Variants in ZNF420 observed in about 807,000 individuals in gnomAD.
ZNF420 encodes zinc finger protein 420.
In ZNF420, 31 loss-of-function variants were observed where a neutral mutation model predicts 44.7. The observed-to-expected ratio is 0.69, with a 90% CI of 0.52 to 0.94. The LOEUF (loss-of-function observed/expected upper bound fraction) is 0.94, where lower values mean the gene tolerates loss of function less well. Ranked by LOEUF, ZNF420 falls within the 40% of genes least tolerant of loss-of-function variation. The pLI, the probability that ZNF420 is intolerant of heterozygous loss-of-function variation, is 0.00. For missense variants in ZNF420, 681 were observed against 827.9 expected (o/e 0.82, Z 2.18); for synonymous variants, 245 against 267.4 (o/e 0.92, Z 0.82).
chr19:37,115,023 G>A (rs1459346363), intron 4 of ZNF420: 10 of 156,798 alleles, frequency 6.4e-5, no homozygotes, highest in Non-Finnish European at 1.4e-5. Flanking sequence ...ATGGAGCTAA[G>A]AGGCATATTT....
At chr19:37,059,251 AGCCGCCGCCGCGGCT>A (rs1307640207) in intron 1 of ZNF420, among the ~76,000 whole-genome samples, 1 of 147,134 alleles carries the variant, frequency 6.8e-6, no homozygotes, top group Non-Finnish European at 1.5e-5. Context: ...CCCCGGATCC[AGCCGCCGCCGCGGCT>A]GCAGCAGGAG....
intron 4 of ZNF420, among the ~76,000 whole-genome samples, chr19:37,095,356 G>T (rs956911514): frequency 3.3e-5 from 5 of 152,158 alleles, no homozygotes; most frequent in African/African-American, 1.2e-4. Context: ...ATATTGAAAT[G>T]CTTTAACTTT....
At chr19:37,033,150 C>T (rs1967293586) in intron 1 of ZNF420, among the ~76,000 whole-genome samples, 1 of 152,158 alleles carries the variant, frequency 6.6e-6, no homozygotes, top group African/African-American at 2.4e-5. Flanking sequence ...ATTAATCTTT[C>T]TAAAGCTTTT....
intron 4 of ZNF420, among the ~76,000 whole-genome samples, chr19:37,125,474 C>T (rs1434883415): frequency 6.6e-6 from 1 of 152,116 alleles, no homozygotes; most frequent in East Asian, 1.9e-4. Flanking sequence ...AACCACAGAT[C>T]ACTGGTTTCT....
chr19:37,069,974 A>G (rs1317707012), intron 1 of ZNF420, among the ~76,000 whole-genome samples: 1 of 152,170 alleles, frequency 6.6e-6, no homozygotes, highest in Non-Finnish European at 1.5e-5. Context: ...AAATAGTTAT[A>G]TTATGGAGAG....
At chr19:37,126,019 AC>A (rs1971328511) in intron 4 of ZNF420, among the ~76,000 whole-genome samples, 2 of 152,116 alleles carry the variant, frequency 1.3e-5, no homozygotes, top group African/African-American at 4.8e-5. Flanking sequence ...GAATCATAAG[AC>A]TTCTCTAAGT....
rs1462154108 is a variant in ZNF420, at chr19:37,090,312, T to A, written c.10-683T>A. ...GAATTCAAGACTAGCCTGGGCAACA[T>A]AACAAGACCCCTGTCTCTACAAAAA... On this transcript the variant is annotated intron_variant, in intron 3 of 4. Transcript: ENST00000337995. 5.3e-5 allele frequency among the ~76,000 whole-genome samples: 8 copies of A among 151,270 alleles called. No homozygotes were observed. In the East Asian group the frequency reaches 1.6e-3, roughly 30 times the overall value.
chr19:37,113,557 T>C (rs912927603), intron 4 of ZNF420, among the ~76,000 whole-genome samples: 38 of 152,282 alleles, frequency 2.5e-4, no homozygotes, highest in African/African-American at 7.7e-4. Context: ...GGCATTCTCA[T>C]TGGTAATTGA....
rs1322914791 is a variant in ZNF420 at position 37,126,073 on chromosome 19, A to G, written c.137-1055A>G. ...TGTTGGGCTTATCTCTTTGATTTTC[A>G]TATTTTTCAATTTTTAGCCACCCAC... On this transcript the variant is annotated intron_variant, in intron 4 of 4. Coordinates refer to ENST00000337995, the MANE Select transcript of ZNF420 (RefSeq NM_144689.5). 3.3e-5 allele frequency among the ~76,000 whole-genome samples: 5 copies of G among 152,196 alleles called. No homozygotes were observed. The East Asian group carries it at 7.7e-4, about 23-fold the overall frequency.
At chr19:37,030,255 G>A (rs568043598) in intron 1 of ZNF420, among the ~76,000 whole-genome samples, 13 of 152,142 alleles carry the variant, frequency 8.5e-5, no homozygotes, top group African/African-American at 2.2e-4. Flanking sequence ...TCCGCCTCCC[G>A]GGTTCAAGCA....
intron 1 of ZNF420, among the ~76,000 whole-genome samples, chr19:37,024,178 G>A (rs1320433863): frequency 6.6e-6 from 1 of 152,038 alleles, no homozygotes; most frequent in Non-Finnish European, 1.5e-5. Flanking sequence ...AATGCCCATC[G>A]GAAAATTTTA....
chr19:37,025,392 T>A, intron 1 of ZNF420: 1 of 164,674 alleles, frequency 6.1e-6, no homozygotes, highest in Non-Finnish European at 1.3e-5. Flanking sequence ...GTAAGATTGA[T>A]GTTTTCTCAA....
In ZNF420 at chr19:37,087,296, AATAAATAAATAAATAAAT is replaced by A. The variant is rs1568446922; in HGVS notation, c.-80-1741_-80-1724del. On this transcript the variant is annotated intron_variant, in intron 2 of 4. Coordinates refer to ENST00000337995, the MANE Select transcript of ZNF420 (RefSeq NM_144689.5). Reference sequence around the variant, plus strand: ...AGACCCTGTCTCAAAAAAAAAAATAAATAAATAAATAAATAAATAAATAAATAAATAAATAAATAAAAA... The same window carrying A: ...AGACCCTGTCTCAAAAAAAAAAATAAAAATAAATAAATAAATAAATAAAAA... Among the ~76,000 whole-genome samples, 289 of 123,206 alleles carry A rather than the reference AATAAATAAATAAATAAAT, an allele frequency of 2.3e-3. 1 individual carries two copies. Among genetic ancestry groups the A allele is most frequent in the African/African-American group, 9.8e-3 (268 of 27,314 alleles). The allele number at this position is 123,206 out of a possible 152,430, so 80.8% of individuals were successfully genotyped here.
At chr19:37,101,014 A>G (rs548516151) in intron 4 of ZNF420, among the ~76,000 whole-genome samples, 2 of 106,056 alleles carry the variant, frequency 1.9e-5, no homozygotes, top group South Asian at 2.8e-4. Context: ...TTTTTTTGCT[A>G]TCTATTATAA....
intron 1 of ZNF420, among the ~76,000 whole-genome samples, chr19:37,051,791 A>T (rs55924780): frequency 6.6e-6 from 1 of 151,742 alleles, no homozygotes; most frequent in Non-Finnish European, 1.5e-5. Context: ...TTGCTTCTCT[A>T]GTTCTTTTAA....
chr19:37,036,043 T>C (rs926353823), intron 1 of ZNF420, among the ~76,000 whole-genome samples: 4 of 152,192 alleles, frequency 2.6e-5, no homozygotes, highest in African/African-American at 9.7e-5. Context: ...TCTTCCCTTC[T>C]GGTAAGATTA....
chr19:37,044,497 C>T lies in ZNF420; in HGVS notation c.-124-35848C>T, dbSNP rs555988554. Among the ~76,000 whole-genome samples the T allele has an allele frequency of 7.2e-5, 11 of 152,256 alleles. No homozygotes were observed. In the East Asian group the frequency reaches 1.4e-3, roughly 19 times the overall value. On this transcript the variant is annotated intron_variant, in intron 1 of 4. Coordinates refer to the ZNF420 transcript ENST00000587029. ...TCTGGGATTATAGCCTAAGGTAATG[C>T]CCTGAGCTTTTCTAGAGATTTGAAA...
intron 1 of ZNF420, among the ~76,000 whole-genome samples, chr19:37,036,285 G>A (rs1411162458): frequency 6.6e-6 from 1 of 152,178 alleles, no homozygotes; most frequent in Non-Finnish European, 1.5e-5. Flanking sequence ...TTATGGATAT[G>A]CAAATTATCC....
chr19:37,093,136 G>A (rs901834482), intron 4 of ZNF420: 1 of 152,034 alleles, frequency 6.6e-6, no homozygotes, highest in African/African-American at 2.4e-5. Context: ...TGGAAGGGAG[G>A]GGGAGTCGGT....
Sources: allele counts gnomAD v4.1 joint callset (sites outside exome capture counted in the v4.1 genomes callset), GRCh38; gene constraint gnomAD v4.1.1; transcripts MANE v1.5; gene names NCBI Gene and HGNC (gene_info 2026-07-23, HGNC 2026-07-21).